The following CMTM4 variants were observed in gnomAD, a reference collection of about 807,000 sequenced individuals.
CMTM4 encodes the protein CKLF like MARVEL transmembrane domain containing 4.
CMTM4 carries 8 observed loss-of-function variants against 19.0 expected under a neutral mutation model. That is an observed-to-expected ratio of 0.42 (90% CI 0.25 to 0.76). The LOEUF is 0.76. Ranked by LOEUF, CMTM4 falls within the 30% of genes least tolerant of loss-of-function variation. The pLI, the probability that CMTM4 is intolerant of heterozygous loss-of-function variation, is 0.27. For synonymous variants in CMTM4, 106 were observed against 121.1 expected (o/e 0.88, Z 0.82); for missense variants, 228 against 290.2 (o/e 0.79, Z 1.56).
chr16:66,624,131 T>C (rs2015690666), intron 2 of CMTM4, among the ~76,000 whole-genome samples: 2 of 152,330 alleles, frequency 1.3e-5, no homozygotes, highest in Admixed American at 1.3e-4. Flanking sequence ...AAACCACCCA[T>C]ATGACTTTGG....
chr16:66,656,653 A>G (rs1380320011), intron 1 of CMTM4, among the ~76,000 whole-genome samples: 3 of 144,088 alleles, frequency 2.1e-5, no homozygotes, highest in Admixed American at 1.4e-4. Context: ...AACTACATAG[A>G]AAAAAAAAAA....
Position 66,696,254 on chromosome 16 carries a change from A to G in CMTM4, c.186+86T>C, listed in dbSNP as rs1248360720. Reference sequence around the variant, plus strand: ...CGGGCTCCGGCCTGGGCAAGCGGGTACGCGGCGGAGGCCCCGCAGCGGGGC... The same window carrying G: ...CGGGCTCCGGCCTGGGCAAGCGGGTGCGCGGCGGAGGCCCCGCAGCGGGGC... On this transcript the variant is annotated intron_variant, in intron 1 of 3. Coordinates refer to ENST00000394106, the MANE Select transcript of CMTM4 (RefSeq NM_181521.3). The surrounding 1 kb of genome is among the most constrained non-coding windows in gnomAD (Gnocchi z 4.3). 8.2e-6 allele frequency: 8 copies of G among 979,282 alleles called. No individual in the cohort carries two copies. The highest frequency in any genetic ancestry group is 8.0e-6 in the Non-Finnish European group (6 of 753,846). 60.7% of individuals were successfully genotyped at this position (979,282 alleles called of 1,614,324 possible).
At chr16:66,695,381 T>C (rs1248170364) in intron 1 of CMTM4, among the ~76,000 whole-genome samples, 1 of 152,172 alleles carries the variant, frequency 6.6e-6, no homozygotes. Flanking sequence ...AAGTGGCTTC[T>C]CTGGCTATGA....
chr16:66,676,103 A>G (rs1446143582), intron 1 of CMTM4, among the ~76,000 whole-genome samples: 3 of 152,202 alleles, frequency 2.0e-5, no homozygotes, highest in Non-Finnish European at 2.9e-5. Flanking sequence ...TCACTTTACT[A>G]TCATAGACAG....
intron 1 of CMTM4, among the ~76,000 whole-genome samples, chr16:66,670,617 T>A (rs2016686800): frequency 6.6e-6 from 1 of 151,950 alleles, no homozygotes. Flanking sequence ...CTGGCCAACA[T>A]GGTGAAACCC....
At chr16:66,654,332 C>T (rs1196647764) in intron 1 of CMTM4, among the ~76,000 whole-genome samples, 1 of 152,128 alleles carries the variant, frequency 6.6e-6, no homozygotes, top group Non-Finnish European at 1.5e-5. Flanking sequence ...CACCCTCCAC[C>T]TGCACTGGAC....
At chr16:66,656,550 T>C (rs73598606) in intron 1 of CMTM4, among the ~76,000 whole-genome samples, 3,769 of 152,002 alleles carry the variant, frequency 0.025, 160 homozygotes, top group African/African-American at 0.087. Flanking sequence ...TTTTTGTAGT[T>C]TCACCATGTT....
At chr16:66,607,869 G>GTC in the CMTM4 span, among the ~76,000 whole-genome samples, 433 of 150,952 alleles carry the variant, frequency 2.9e-3, 3 homozygotes, top group African/African-American at 9.9e-3. Context: ...TGCGGACAGG[G>GTC]TCTCTCTCTC....
At chr16:66,630,446 C>T (rs2144797542) in intron 2 of CMTM4, among the ~76,000 whole-genome samples, 1 of 151,724 alleles carries the variant, frequency 6.6e-6, no homozygotes, top group Admixed American at 6.5e-5. Context: ...CTGCCTGATT[C>T]TCCTGCCTCA....
At chr16:66,640,229 G>C (rs1248971331) in intron 1 of CMTM4, among the ~76,000 whole-genome samples, 2 of 152,104 alleles carry the variant, frequency 1.3e-5, no homozygotes, top group Non-Finnish European at 2.9e-5. Context: ...TGAGCCTGGG[G>C]GCGGAGGTTG....
chr16:66,684,241 C>T (rs748016080), intron 1 of CMTM4, among the ~76,000 whole-genome samples: 1 of 152,038 alleles, frequency 6.6e-6, no homozygotes, highest in Admixed American at 6.6e-5. Flanking sequence ...GGCATGATCT[C>T]GGCTTACTGA....
intron 1 of CMTM4, among the ~76,000 whole-genome samples, chr16:66,686,479 G>A (rs1596964767): frequency 6.6e-6 from 1 of 150,984 alleles, no homozygotes; most frequent in Admixed American, 6.6e-5. Flanking sequence ...AACCCAGGAG[G>A]TGGAGGTTGC....
At chr16:66,650,010 G>A (rs529344776) in intron 1 of CMTM4, among the ~76,000 whole-genome samples, 12 of 152,178 alleles carry the variant, frequency 7.9e-5, no homozygotes, top group South Asian at 2.1e-4. Context: ...AACCAGGTGC[G>A]TGGCTCGGTG....
intron 1 of CMTM4, among the ~76,000 whole-genome samples, chr16:66,651,273 G>A (rs2016306026): frequency 1.3e-5 from 2 of 152,100 alleles, no homozygotes; most frequent in Admixed American, 1.3e-4. Flanking sequence ...GTTGAGATGG[G>A]GAGTTTTAAG....
At chr16:66,673,239 A>G in intron 1 of CMTM4, among the ~76,000 whole-genome samples, 1 of 125,692 alleles carries the variant, frequency 8.0e-6, no homozygotes, top group African/African-American at 3.1e-5. Context: ...ACAGAGTCTC[A>G]CTCTGTCATC....
chr16:66,620,561 C>T lies in CMTM4; in HGVS notation c.*1497G>A, dbSNP rs543135144. The T allele has an allele frequency of 1.5e-4, 144 of 985,512 alleles. No homozygotes were observed. The African/African-American group carries it at 2.2e-3, about 15-fold the overall frequency. The allele number at this position is 985,512 out of a possible 1,614,324, so 61.0% of individuals were successfully genotyped here. A position where few individuals can be genotyped will look rare whatever the true frequency, so the allele number is the denominator to read the frequency against. Reference sequence around the variant, plus strand: ...GAGACGCCACATGTCCATAAGGTGACGCTTTCTTGCACAGACCCCCCGCCG... The same window carrying T: ...GAGACGCCACATGTCCATAAGGTGATGCTTTCTTGCACAGACCCCCCGCCG... On this transcript the variant is annotated 3_prime_UTR_variant, in exon 4 of 4. Coordinates refer to ENST00000394106, the MANE Select transcript of CMTM4 (RefSeq NM_181521.3).
chr16:66,694,505 C>T (rs572742931), intron 1 of CMTM4, among the ~76,000 whole-genome samples: 1 of 151,860 alleles, frequency 6.6e-6, no homozygotes, highest in African/African-American at 2.4e-5. Context: ...GTAAGGAGTT[C>T]GAGACCAGCC....
At chr16:66,600,732 G>A in the CMTM4 span, among the ~76,000 whole-genome samples, 3 of 152,128 alleles carry the variant, frequency 2.0e-5, no homozygotes, top group Non-Finnish European at 2.9e-5. Flanking sequence ...CTCTGGATAT[G>A]TTTAGTGTTT....
intron 1 of CMTM4, among the ~76,000 whole-genome samples, chr16:66,664,158 G>T (rs1189748378): frequency 6.6e-6 from 1 of 151,830 alleles, no homozygotes; most frequent in East Asian, 1.9e-4. Context: ...GCTTGAACCC[G>T]GGAGGCAGAG....
Sources: allele counts gnomAD v4.1 joint callset (sites outside exome capture counted in the v4.1 genomes callset), GRCh38; gene constraint gnomAD v4.1.1; non-coding constraint Gnocchi (gnomAD v3.1); transcripts MANE v1.5; gene names NCBI Gene and HGNC (gene_info 2026-07-23, HGNC 2026-07-21).